Variants in ING5 observed in about 807,000 individuals in gnomAD.
The protein encoded by ING5 is inhibitor of growth family member 5, also known as inhibitor of growth protein 5.
In ING5, 17 loss-of-function variants were observed where a neutral mutation model predicts 37.4. The ratio of observed to expected loss-of-function variants is 0.45; its 90% CI spans 0.31 to 0.68. ING5 has a LOEUF of 0.68. Among genes scored for constraint, ING5 ranks in the 30% least tolerant of loss-of-function variants. The pLI, the probability that ING5 is intolerant of heterozygous loss-of-function variation, is 0.05. For missense variants in ING5, 233 were observed against 311.9 expected, an observed-to-expected ratio of 0.75 and a Z score of 1.91; for synonymous variants, 123 against 116.6, an observed-to-expected ratio of 1.06 and a Z score of -0.36.
intron 5 of ING5, chr2:241,719,716 A>G (rs2070379119): frequency 6.7e-7 from 1 of 1,486,772 alleles, no homozygotes; most frequent in Non-Finnish European, 8.9e-7. Flanking sequence ...GGCTCTGCCC[A>G]GCTTCAGAGA....
intron 5 of ING5, among the ~76,000 whole-genome samples, chr2:241,715,557 A>G (rs2124928846): frequency 7.4e-6 from 1 of 135,436 alleles, no homozygotes; most frequent in Middle Eastern, 4.9e-3. Flanking sequence ...ATCTTGGCTC[A>G]CTGCAACCTC....
At position 241,705,398 on chromosome 2, in the gene ING5, T is replaced by TC. The variant is rs1553582515; in HGVS notation, c.109+674_109+675insC. Among the ~76,000 whole-genome samples the TC allele has an allele frequency of 6.6e-3, 866 of 130,546 alleles. 15 individuals carry two copies. The highest frequency in any genetic ancestry group is 0.015 in the East Asian group (59 of 3,926). The allele number at this position is 130,546 out of a possible 152,430, so 85.6% of individuals were successfully genotyped here. A position where few individuals can be genotyped will look rare whatever the true frequency, so the allele number is the denominator to read the frequency against. ...TGGCCCTAACTCTGTTTTTTTCTTTTTTTTTTTTTTTTTTTTTGAGACAGA... is the reference window on the plus strand; with the variant it reads ...TGGCCCTAACTCTGTTTTTTTCTTTTCTTTTTTTTTTTTTTTTTGAGACAGA... On this transcript the variant is annotated intron_variant, in intron 2 of 7. Transcript: ENST00000313552.
chr2:241,710,446 G>C (rs1260519709), intron 3 of ING5, among the ~76,000 whole-genome samples: 1 of 151,922 alleles, frequency 6.6e-6, no homozygotes, highest in African/African-American at 2.4e-5. Context: ...GGGATTACAG[G>C]TGTGCACCAC....
At chr2:241,720,640 G>A (rs2070407053) in intron 5 of ING5, 2 of 985,644 alleles carry the variant, frequency 2.0e-6, no homozygotes, top group African/African-American at 1.7e-5. Flanking sequence ...GTGGAGTGCT[G>A]GGAAGCCATC....
chr2:241,721,473 A>G (rs2070434042), intron 5 of ING5: 17 of 985,584 alleles, frequency 1.7e-5, no homozygotes, highest in Non-Finnish European at 2.0e-5. Context: ...GGCCGGGTGC[A>G]TGCTGAGCCC....
At chr2:241,701,210 C>T (rs74644089), upstream of ING5, among the ~76,000 whole-genome samples, 1 of 151,370 alleles carries the variant, frequency 6.6e-6, no homozygotes, top group Non-Finnish European at 1.5e-5. Flanking sequence ...GTGATCCGCC[C>T]GCCTCGGCCT....
intron 5 of ING5, chr2:241,720,310 A>G: frequency 8.2e-7 from 1 of 1,223,082 alleles, no homozygotes; most frequent in Non-Finnish European, 1.0e-6. Flanking sequence ...CTGTGGTGCC[A>G]GGCCGCTCTG....
chr2:241,712,103 A>G, intron 5 of ING5, 32 bp downstream of exon 5: 1 of 1,505,040 alleles, frequency 6.6e-7, no homozygotes, highest in African/African-American at 1.4e-5. Context: ...TTCCCAAAAG[A>G]ACGAATACCC....
intron 3 of ING5, 24 bp downstream of exon 3, chr2:241,709,406 G>A: frequency 6.3e-7 from 1 of 1,599,826 alleles, no homozygotes; most frequent in Non-Finnish European, 8.5e-7. Context: ...GGGGGCCATG[G>A]CTCTTCCTCT....
intron 1 of ING5, among the ~76,000 whole-genome samples, chr2:241,702,402 T>C (rs1375144075): frequency 3.5e-5 from 5 of 144,492 alleles, no homozygotes; most frequent in Non-Finnish European, 7.6e-5. Flanking sequence ...ACATATTAGG[T>C]CCCGCCCCTA....
In ING5 at chr2:241,720,006, C is replaced by T. The variant is rs544019858; in HGVS notation, c.483-2933C>T. Reference sequence around the variant, plus strand: ...GTGCTGCTCCTGTCCCATTGCAAGACGTCGAGACAGGCTGGTAAGGCCAGC... The same window carrying T: ...GTGCTGCTCCTGTCCCATTGCAAGATGTCGAGACAGGCTGGTAAGGCCAGC... On this transcript the variant is annotated intron_variant, in intron 5 of 7. Coordinates refer to ENST00000313552, the MANE Select transcript of ING5 (RefSeq NM_032329.6). 42 of 1,244,692 alleles carry T rather than the reference C, an allele frequency of 3.4e-5. No individual in the cohort carries two copies. The East Asian group carries it at 6.8e-4, about 20-fold the overall frequency. The allele number at this position is 1,244,692 out of a possible 1,614,324, so 77.1% of individuals were successfully genotyped here. A position where few individuals can be genotyped will look rare whatever the true frequency, so the allele number is the denominator to read the frequency against.
chr2:241,728,266 T>G lies in ING5; in HGVS notation c.*3235T>G, dbSNP rs1342119114. ...CACACCATTTGCACCATCCACGCCT[T>G]GCTCCAGAAGGCCTGGCCGCCTTCT... On this transcript the variant is annotated 3_prime_UTR_variant, in exon 8 of 8. Coordinates refer to ENST00000313552, the MANE Select transcript of ING5 (RefSeq NM_032329.6). 2 of 152,742 alleles carry G rather than the reference T, an allele frequency of 1.3e-5. No individual in the cohort carries two copies. The highest frequency in any genetic ancestry group is 2.9e-5 in the Non-Finnish European group (2 of 68,202). 9.5% of individuals were successfully genotyped at this position (152,742 alleles called of 1,614,324 possible).
rs977629271 is a variant in ING5, at chr2:241,722,412, G to C, written c.483-527G>C. 1.1e-5 allele frequency: 11 copies of C among 985,274 alleles called. No homozygotes were observed. The African/African-American group carries it at 1.7e-4, about 16-fold the overall frequency. The allele number at this position is 985,274 out of a possible 1,614,324, so 61.0% of individuals were successfully genotyped here. On this transcript the variant is annotated intron_variant, in intron 5 of 7. Coordinates refer to ENST00000313552, the MANE Select transcript of ING5 (RefSeq NM_032329.6). ...AGTGGGACCAGAACCCCGGTGCTGTGGGTGAGTGCTGCGCTTCACGGCCTC... is the reference window on the plus strand; with the variant it reads ...AGTGGGACCAGAACCCCGGTGCTGTCGGTGAGTGCTGCGCTTCACGGCCTC...
At chr2:241,709,092 G>A (rs948515153) in intron 2 of ING5, 124 bp from the exon 3 acceptor site, 19 of 1,021,456 alleles carry the variant, frequency 1.9e-5, no homozygotes, top group African/African-American at 8.1e-5. Context: ...CCAGCACAGC[G>A]TGAGTTCATG....
chr2:241,693,282 C>T (rs1421741347), intron 2 of ING5, among the ~76,000 whole-genome samples: 1 of 150,538 alleles, frequency 6.6e-6, no homozygotes, highest in African/African-American at 2.4e-5. Flanking sequence ...AGCAAAGCTC[C>T]TTAAGGGCCC....
intron 5 of ING5, chr2:241,720,866 A>G (rs2070413623): frequency 1.0e-6 from 1 of 985,668 alleles, no homozygotes; most frequent in Non-Finnish European, 1.2e-6. Flanking sequence ...CCCTGGCCAC[A>G]CGCCATGGCG....
chr2:241,693,252 CAAAAAAAA>C (rs748452347), intron 2 of ING5, among the ~76,000 whole-genome samples: 1 of 59,346 alleles, frequency 1.7e-5, no homozygotes, highest in Non-Finnish European at 3.6e-5. Context: ...GAGACTGTCT[CAAAAAAAA>C]AAAAAAAAAA....
At chr2:241,711,884 G>T in intron 4 of ING5, 94 bp from the exon 5 acceptor site, 1 of 1,121,230 alleles carries the variant, frequency 8.9e-7, no homozygotes, top group South Asian at 1.6e-5. Context: ...CAGCCTGGGA[G>T]ACAGAGCGAG....
At chr2:241,697,696 C>T (rs1037225263), upstream of ING5, among the ~76,000 whole-genome samples, 2 of 151,922 alleles carry the variant, frequency 1.3e-5, no homozygotes, top group African/African-American at 4.8e-5. Flanking sequence ...AGGGATGAAT[C>T]GGGAAGCGCA....
Sources: allele counts gnomAD v4.1 joint callset (sites outside exome capture counted in the v4.1 genomes callset), GRCh38; gene constraint gnomAD v4.1.1; transcripts MANE v1.5; gene names NCBI Gene and HGNC (gene_info 2026-07-23, HGNC 2026-07-21).